XRN1: variants seen among roughly 807,000 people sequenced by gnomAD.
XRN1 encodes the protein 5'-3' exoribonuclease 1, also known as strand-exchange protein 1 homolog.
Under a neutral mutation model 222.3 loss-of-function variants are expected in XRN1, and 67 were observed. The observed-to-expected ratio is 0.30, with a 90% CI of 0.25 to 0.37. XRN1 has a LOEUF of 0.37. Ranked by LOEUF, XRN1 falls within the 10% of genes least tolerant of loss-of-function variation. The probability of loss-of-function intolerance (pLI) is 1.00; values close to 1 mark genes in which losing one functional copy is unlikely to be tolerated. For synonymous variants in XRN1, 643 were observed against 652.4 expected, an observed-to-expected ratio of 0.99 and a Z score of 0.22; for missense variants, 1,707 against 2,000.2, an observed-to-expected ratio of 0.85 and a Z score of 2.80.
chr3:142,409,218 A>C (rs934602011), intron 15 of XRN1, among the ~76,000 whole-genome samples: 1 of 152,160 alleles, frequency 6.6e-6, no homozygotes, highest in Non-Finnish European at 1.5e-5. Flanking sequence ...TATTTTCTCA[A>C]TTCTTTCCCT....
Position 142,376,523 on chromosome 3 carries a change from T to G in XRN1, c.2787A>C (p.Ser929=). The G allele has an allele frequency of 2.5e-6, 4 of 1,613,450 alleles. No individual in the cohort carries two copies. Among genetic ancestry groups the G allele is most frequent in the Non-Finnish European group, 3.4e-6 (4 of 1,179,602 alleles). The change falls in exon 24 of 41, where the codon TCA becomes TCC. Residue 929 remains serine, a synonymous_variant. Coordinates refer to ENST00000392981, the MANE Select transcript of XRN1 (RefSeq NM_001282857.2). ...CAATAAAAATACTTCCTGTAAACCT[T>G]GAAACAAGGTATCCACTCACTCCAA... The part of the protein sequence containing the change: ...SRLGVSGYLV[S]RFTGSIFIGR...
intron 21 of XRN1, 32 bp downstream of exon 21, chr3:142,384,491 T>C (rs752977386): frequency 6.3e-7 from 1 of 1,575,360 alleles, no homozygotes. Context: ...TAGTGTATAT[T>C]AAGACAGAAT....
chr3:142,341,153 G>A (rs1430064542), intron 33 of XRN1, among the ~76,000 whole-genome samples: 1 of 152,056 alleles, frequency 6.6e-6, no homozygotes, highest in Admixed American at 6.6e-5. Context: ...TTAAGCAGGA[G>A]GATGAAGTTA....
At chr3:142,379,280 A>AAAAACC (rs1368159341) in intron 23 of XRN1, among the ~76,000 whole-genome samples, 2 of 152,164 alleles carry the variant, frequency 1.3e-5, no homozygotes, top group Non-Finnish European at 1.5e-5. Context: ...CACAAAAAGA[A>AAAAACC]AAAACCAAAA....
chr3:142,345,507 A>G (rs1337000382), intron 33 of XRN1, among the ~76,000 whole-genome samples: 1 of 152,232 alleles, frequency 6.6e-6, no homozygotes, highest in East Asian at 1.9e-4. Context: ...TTAGATGTAC[A>G]CCTAAGGTAC....
chr3:142,327,190 T>C (rs1454159068), intron 37 of XRN1, among the ~76,000 whole-genome samples: 1 of 152,176 alleles, frequency 6.6e-6, no homozygotes, highest in Non-Finnish European at 1.5e-5. Flanking sequence ...TTATTAGCTC[T>C]TCTTTCAGCG....
chr3:142,343,306 T>C (rs1387843444), intron 33 of XRN1, among the ~76,000 whole-genome samples: 1 of 151,610 alleles, frequency 6.6e-6, no homozygotes, highest in African/African-American at 2.4e-5. Flanking sequence ...ATACAAAAAC[T>C]AGCCAGGCGT....
chr3:142,313,274 CT>C, intron 39 of XRN1: 1 of 1,288,114 alleles, frequency 7.8e-7, no homozygotes, highest in Non-Finnish European at 1.1e-6. Context: ...AAGTCAAGGC[CT>C]TTTTTCACTT....
intron 33 of XRN1, among the ~76,000 whole-genome samples, chr3:142,337,052 T>A (rs1475512906): frequency 6.6e-6 from 1 of 152,134 alleles, no homozygotes; most frequent in Admixed American, 6.6e-5. Context: ...TAAAAGATTT[T>A]AATACCTATA....
chr3:142,374,661 CA>C (rs906260603), intron 25 of XRN1, among the ~76,000 whole-genome samples: 8 of 152,216 alleles, frequency 5.3e-5, no homozygotes, highest in African/African-American at 1.4e-4. Context: ...AAGCCACTCA[CA>C]GCAGAAAATC....
intron 20 of XRN1, among the ~76,000 whole-genome samples, chr3:142,394,215 T>C (rs945928582): frequency 6.6e-6 from 1 of 152,216 alleles, no homozygotes. Flanking sequence ...TCAGTAACAT[T>C]CTTGCCAATA....
intron 2 of XRN1, among the ~76,000 whole-genome samples, chr3:142,431,912 A>ATATAT (rs1491093935): frequency 4.8e-5 from 2 of 41,406 alleles, no homozygotes; most frequent in Non-Finnish European, 8.3e-5. Flanking sequence ...TTATATATAT[A>ATATAT]AATATATATA....
intron 36 of XRN1, among the ~76,000 whole-genome samples, chr3:142,330,183 A>G (rs2065655408): frequency 6.6e-6 from 1 of 152,198 alleles, no homozygotes; most frequent in South Asian, 2.1e-4. Flanking sequence ...GAAGAGAAAA[A>G]TAAAAGAATG....
chr3:142,409,247 G>A (rs997901279), intron 15 of XRN1, among the ~76,000 whole-genome samples: 6 of 152,058 alleles, frequency 3.9e-5, no homozygotes, highest in African/African-American at 1.2e-4. Flanking sequence ...AGTGATTTCA[G>A]AATCTTGAAA....
intron 37 of XRN1, among the ~76,000 whole-genome samples, chr3:142,321,105 C>CTTTTTTTTTTT (rs573856556): frequency 2.3e-5 from 2 of 87,280 alleles, no homozygotes; most frequent in Admixed American, 1.5e-4. Context: ...CATCCACTTC[C>CTTTTTTTTTTT]TTTTTTTTTT....
At chr3:142,423,391 T>G (rs998399911) in intron 6 of XRN1, among the ~76,000 whole-genome samples, 169 bp downstream of exon 6, 2 of 152,050 alleles carry the variant, frequency 1.3e-5, no homozygotes, top group African/African-American at 2.4e-5. Context: ...GAAGAATAAA[T>G]GAGTTGGATT....
At chr3:142,361,612 C>T (rs2066632483) in intron 29 of XRN1, among the ~76,000 whole-genome samples, 1 of 152,138 alleles carries the variant, frequency 6.6e-6, no homozygotes. Flanking sequence ...GGTATAATCA[C>T]TCTTTTAAAT....
At position 142,309,448 on chromosome 3, in the gene XRN1, T is replaced by G. The variant is rs1291447495; in HGVS notation, c.*2063A>C. The G allele has an allele frequency of 6.6e-6, 1 of 152,234 alleles. No homozygotes were observed. The highest frequency in any genetic ancestry group is 1.5e-5 in the Non-Finnish European group (1 of 68,072). 9.4% of individuals were successfully genotyped at this position (152,234 alleles called of 1,614,324 possible). On this transcript the variant is annotated 3_prime_UTR_variant, in exon 41 of 41. Transcript: ENST00000392981. ...CATGTTGGCCAGGCTTGTCTGGAAC[T>G]CCGGACCTCAAGTGATCCGCCTGCC... is the stretch of plus-strand genomic sequence containing the variant.
intron 37 of XRN1, among the ~76,000 whole-genome samples, chr3:142,319,524 AATTTT>A (rs1394070565): frequency 6.6e-6 from 1 of 152,080 alleles, no homozygotes; most frequent in Admixed American, 6.6e-5. Context: ...GGTTTACCTT[AATTTT>A]TTTTAAAAAA....
Sources: allele counts gnomAD v4.1 joint callset (sites outside exome capture counted in the v4.1 genomes callset), GRCh38; gene constraint gnomAD v4.1.1; transcripts MANE v1.5; gene names NCBI Gene and HGNC (gene_info 2026-07-23, HGNC 2026-07-21).